The following ELMO1 variants were observed in gnomAD, a reference collection of about 807,000 sequenced individuals.
ELMO1 encodes engulfment and cell motility 1.
ELMO1 carries 26 observed loss-of-function variants against 98.9 expected under a neutral mutation model. The observed-to-expected ratio is 0.26, with a 90% CI of 0.19 to 0.36. The LOEUF is 0.36. Among genes scored for constraint, ELMO1 ranks in the 10% least tolerant of loss-of-function variants. The pLI, the probability that ELMO1 is intolerant of heterozygous loss-of-function variation, is 1.00. For synonymous variants in ELMO1, 346 were observed against 346.0 expected, an observed-to-expected ratio of 1.00 and a Z score of 0.00; for missense variants, 627 against 935.2, an observed-to-expected ratio of 0.67 and a Z score of 4.30.
At position 37,391,006 on chromosome 7, in the gene ELMO1, CCCTTCCTTCCTTCCTTCCTTCCTT is replaced by C. The variant is rs56315543; in HGVS notation, c.-73-48267_-73-48244del. On this transcript the variant is annotated intron_variant, in intron 1 of 21. Transcript: ENST00000310758. ...ATCAGGTATATTCTGGGAAAGTAGT[CCCTTCCTTCCTTCCTTCCTTCCTT>C]CCTTCCTTCCTTCCTTCCTTCCTTC... 2.9e-3 allele frequency among the ~76,000 whole-genome samples: 371 copies of C among 130,154 alleles called. 4 individuals are homozygous for C. Among genetic ancestry groups the C allele is most frequent in the African/African-American group, 9.8e-3 (340 of 34,636 alleles). The allele number at this position is 130,154 out of a possible 152,430, so 85.4% of individuals were successfully genotyped here.
intron 4 of ELMO1, among the ~76,000 whole-genome samples, chr7:37,308,632 G>T (rs1798736113): frequency 6.6e-6 from 1 of 152,230 alleles, no homozygotes; most frequent in Non-Finnish European, 1.5e-5. Context: ...GAAGGTTAGA[G>T]ATATCCCCAG....
At chr7:36,863,961 A>G (rs1337236007) in intron 20 of ELMO1, among the ~76,000 whole-genome samples, 1 of 152,202 alleles carries the variant, frequency 6.6e-6, no homozygotes, top group Non-Finnish European at 1.5e-5. Context: ...CATGCTTGAG[A>G]GATTGAAGAA....
At chr7:36,995,635 T>C (rs890884839) in intron 16 of ELMO1, among the ~76,000 whole-genome samples, 1 of 152,216 alleles carries the variant, frequency 6.6e-6, no homozygotes, top group African/African-American at 2.4e-5. Context: ...ATACTATTCA[T>C]GAATATCATT....
At chr7:36,935,048 C>T (rs1025579085) in intron 16 of ELMO1, among the ~76,000 whole-genome samples, 20 of 152,196 alleles carry the variant, frequency 1.3e-4, no homozygotes, top group African/African-American at 4.8e-4. Flanking sequence ...TATGGTTTGG[C>T]TGTGTCCTCA....
rs115774825 is a variant in ELMO1, at chr7:36,943,433, C to T, written c.1438-48416G>A. On this transcript the variant is annotated intron_variant, in intron 16 of 21. Transcript: ENST00000310758. ...CCACTGGCCTCTCCTTGTCTCTGTGCTCTCTGTTGGCATTTTAGATCTTCA... is the reference window on the plus strand; with the variant it reads ...CCACTGGCCTCTCCTTGTCTCTGTGTTCTCTGTTGGCATTTTAGATCTTCA... Among the ~76,000 whole-genome samples, 1,170 of 152,306 alleles carry T rather than the reference C, an allele frequency of 7.7e-3. 16 individuals are homozygous for T. Among genetic ancestry groups the T allele is most frequent in the African/African-American group, 0.027 (1,113 of 41,562 alleles).
intron 15 of ELMO1, among the ~76,000 whole-genome samples, chr7:37,058,118 A>T (rs1007406849): frequency 1.3e-5 from 2 of 152,204 alleles, no homozygotes; most frequent in Non-Finnish European, 2.9e-5. Context: ...TGTACATATG[A>T]CTGGCTACTG....
intron 4 of ELMO1, among the ~76,000 whole-genome samples, chr7:37,293,714 A>AT (rs1382301077): frequency 5.0e-4 from 11 of 21,992 alleles, no homozygotes; most frequent in Non-Finnish European, 2.5e-3. Flanking sequence ...AGAATGATCA[A>AT]TAAAAAAAAA....
At chr7:37,148,943 A>G (rs898961924) in intron 13 of ELMO1, among the ~76,000 whole-genome samples, 7 of 152,218 alleles carry the variant, frequency 4.6e-5, no homozygotes, top group African/African-American at 1.7e-4. Flanking sequence ...TATGATGTCC[A>G]ACAAAGAACA....
chr7:37,437,979 C>CAAAAAAAAAA (rs57418239), intron 1 of ELMO1, among the ~76,000 whole-genome samples: 1 of 18,058 alleles, frequency 5.5e-5, no homozygotes, highest in African/African-American at 1.2e-4. Flanking sequence ...GACTCCGTCT[C>CAAAAAAAAAA]AAAAAAAAAA....
chr7:36,983,883 G>A (rs1475232777), intron 16 of ELMO1, among the ~76,000 whole-genome samples: 8 of 152,170 alleles, frequency 5.3e-5, no homozygotes. Context: ...TTTTAGGTGG[G>A]GGGAGCAGAG....
intron 16 of ELMO1, among the ~76,000 whole-genome samples, chr7:36,950,438 C>T (rs961655446): frequency 2.0e-4 from 30 of 152,182 alleles, no homozygotes; most frequent in Non-Finnish European, 3.8e-4. Context: ...GGTCACTCAC[C>T]ACCAAGCCAC....
At chr7:37,065,498 C>T (rs1421676953) in intron 15 of ELMO1, among the ~76,000 whole-genome samples, 1 of 152,092 alleles carries the variant, frequency 6.6e-6, no homozygotes, top group Non-Finnish European at 1.5e-5. Context: ...CTGGTTCTGC[C>T]CTTCCCCCTC....
chr7:36,956,418 GA>G (rs1415190693), intron 16 of ELMO1, among the ~76,000 whole-genome samples: 1 of 152,056 alleles, frequency 6.6e-6, no homozygotes, highest in African/African-American at 2.4e-5. Context: ...AATTAAGTCA[GA>G]AACTTTCAAA....
intron 16 of ELMO1, among the ~76,000 whole-genome samples, chr7:36,938,525 G>C (rs1786744111): frequency 6.6e-6 from 1 of 152,166 alleles, no homozygotes. Flanking sequence ...GCAAATTTAA[G>C]AAAAAGCTTG....
At chr7:37,025,401 G>A (rs944834740) in intron 15 of ELMO1, among the ~76,000 whole-genome samples, 1 of 152,134 alleles carries the variant, frequency 6.6e-6, no homozygotes, top group East Asian at 1.9e-4. Context: ...AACCTGACTG[G>A]GCCAATGGGT....
At chr7:37,294,583 A>T (rs942291088) in intron 4 of ELMO1, among the ~76,000 whole-genome samples, 1 of 152,250 alleles carries the variant, frequency 6.6e-6, no homozygotes, top group African/African-American at 2.4e-5. Context: ...ACTTTTAAAC[A>T]GCCCCACACA....
chr7:37,280,214 A>C (rs2130898933), intron 4 of ELMO1, among the ~76,000 whole-genome samples: 1 of 152,374 alleles, frequency 6.6e-6, no homozygotes, highest in Middle Eastern at 3.4e-3. Context: ...AGATGGATTG[A>C]GGACTTAAAC....
intron 14 of ELMO1, among the ~76,000 whole-genome samples, chr7:37,125,517 C>A (rs1443322868): frequency 6.6e-6 from 1 of 152,122 alleles, no homozygotes; most frequent in Admixed American, 6.5e-5. Flanking sequence ...ATTTATGCAG[C>A]CAACAGACAC....
chr7:37,328,863 A>T (rs776231206), intron 2 of ELMO1, among the ~76,000 whole-genome samples: 1 of 152,040 alleles, frequency 6.6e-6, no homozygotes, highest in Non-Finnish European at 1.5e-5. Context: ...CATAACCTCA[A>T]ACTCAAATCT....
Sources: gnomAD v4.1 joint callset for allele counts (sites outside exome capture counted in the v4.1 genomes callset) on GRCh38, gnomAD v4.1.1 for gene constraint, MANE v1.5 for transcripts, NCBI Gene and HGNC (gene_info 2026-07-23, HGNC 2026-07-21) for gene names.